Variants in MS4A10 observed in about 807,000 individuals in gnomAD.
The protein encoded by MS4A10 is membrane-spanning 4-domains subfamily A member 10.
In MS4A10, 27 loss-of-function variants were observed where a neutral mutation model predicts 27.7. The ratio of observed to expected loss-of-function variants is 0.98; its 90% CI spans 0.72 to 1.35. MS4A10 has a LOEUF of 1.35. Among genes scored for constraint, MS4A10 ranks in the 40% most tolerant of loss-of-function variants. The probability of loss-of-function intolerance (pLI) is 0.00; values close to 1 mark genes in which losing one functional copy is unlikely to be tolerated. For missense variants in MS4A10, 338 were observed against 324.7 expected, an observed-to-expected ratio of 1.04 and a Z score of -0.32; for synonymous variants, 139 against 131.2, an observed-to-expected ratio of 1.06 and a Z score of -0.41.
Position 60,798,539 on chromosome 11 carries a change from C to A in MS4A10, c.722+25C>A, listed in dbSNP as rs369059481. 1,484 of 1,586,286 alleles carry A rather than the reference C, an allele frequency of 9.4e-4. 23 individuals carry two copies. The South Asian group carries it at 0.015, about 17-fold the overall frequency. On this transcript the variant is annotated intron_variant, in intron 7 of 7. Transcript: ENST00000308287. Reference sequence around the variant, plus strand: ...GGTGAAGAGGTTTGGCCCTGGCTCCCCAGACCTTCAGAACCCACGCTTGGC... The same window carrying A: ...GGTGAAGAGGTTTGGCCCTGGCTCCACAGACCTTCAGAACCCACGCTTGGC...
chr11:60,791,700 A>G, intron 3 of MS4A10, among the ~76,000 whole-genome samples: 1 of 152,214 alleles, frequency 6.6e-6, no homozygotes, highest in South Asian at 2.1e-4. Flanking sequence ...CTTTCACATC[A>G]GTCCACTGTT....
chr11:60,798,663 TA>T (rs5792201), intron 7 of MS4A10, 149 bp downstream of exon 7: 238,549 of 633,084 alleles, frequency 0.38, 48,788 homozygotes, highest in East Asian at 0.72. Flanking sequence ...CTGGGAGTGG[TA>T]GCCAAGGCAG....
intron 7 of MS4A10, 49 bp downstream of exon 7, chr11:60,798,563 G>T (rs775724097): frequency 1.4e-6 from 2 of 1,418,794 alleles, no homozygotes; most frequent in South Asian, 2.3e-5. Context: ...CCCACGCTTG[G>T]CCCCTTCTCC....
chr11:60,799,858 C>T lies in MS4A10; in HGVS notation c.753C>T (p.Asp251=). 4 of 1,595,356 alleles carry T rather than the reference C, an allele frequency of 2.5e-6. No individual in the cohort carries two copies. The highest frequency in any genetic ancestry group is 3.4e-6 in the Non-Finnish European group (4 of 1,163,552). The change falls in exon 8 of 8, where the codon GAC becomes GAT. Residue 251 remains aspartate, a synonymous_variant. Coordinates refer to ENST00000308287, the MANE Select transcript of MS4A10 (RefSeq NM_206893.4). ...GAGAAGTTAAGCAAGTTGCCCCGGA[C>T]ACATGGATAGTCACTGACGGAGCTG... ...RLREVKQVAP[D]TWIVTDGAAI...
rs1040464025 is a variant in MS4A10, at chr11:60,800,104, G to A, written c.*195G>A. 5.4e-5 allele frequency: 39 copies of A among 721,888 alleles called. No individual in the cohort carries two copies. The highest frequency in any genetic ancestry group is 2.0e-5 in the South Asian group (1 of 50,454). The allele number at this position is 721,888 out of a possible 1,614,324, so 44.7% of individuals were successfully genotyped here. A position where few individuals can be genotyped will look rare whatever the true frequency, so the allele number is the denominator to read the frequency against. ...CCATTTCTTACATAGTTGATGGCTCGATATCTGTGGTGGCCCAGATTGTTT... is the reference window on the plus strand; with the variant it reads ...CCATTTCTTACATAGTTGATGGCTCAATATCTGTGGTGGCCCAGATTGTTT... On this transcript the variant is annotated 3_prime_UTR_variant, in exon 8 of 8. Coordinates refer to ENST00000308287, the MANE Select transcript of MS4A10 (RefSeq NM_206893.4).
At chr11:60,798,632 C>T (rs757627222) in intron 7 of MS4A10, 118 bp downstream of exon 7, 22 of 764,364 alleles carry the variant, frequency 2.9e-5, no homozygotes, top group Non-Finnish European at 4.2e-5. Flanking sequence ...GCTAACAGTG[C>T]TGCAGCTAGA....
At position 60,795,672 on chromosome 11, in the gene MS4A10, C is replaced by G. The variant is rs1854516818; in HGVS notation, c.603+7C>G. ...GGACTGCCCATCTGCAAAGGTAAGA[C>G]AAGGGCTTGTCTTCCCAGGAAGACA... On this transcript the variant is annotated splice_region_variant and intron_variant, in intron 6 of 7. Coordinates refer to ENST00000308287, the MANE Select transcript of MS4A10 (RefSeq NM_206893.4). The G allele has an allele frequency of 6.5e-7, 1 of 1,544,484 alleles. No homozygotes were observed. Among genetic ancestry groups the G allele is most frequent in the African/African-American group, 1.4e-5 (1 of 71,738 alleles).
rs1254579625 is a variant in MS4A10, at chr11:60,800,621, T to G, written c.*712T>G. ...CTTTCGCTGCCACTTCTGGCTGTGG[T>G]CACTAGCTTGGCCATAGCACCTCTC... On this transcript the variant is annotated 3_prime_UTR_variant, in exon 8 of 8. Transcript: ENST00000308287. The G allele has an allele frequency of 2.0e-5, 3 of 152,344 alleles. No individual in the cohort carries two copies. Among genetic ancestry groups the G allele is most frequent in the African/African-American group, 7.2e-5 (3 of 41,454 alleles). 9.4% of individuals were successfully genotyped at this position (152,344 alleles called of 1,614,324 possible). A position where few individuals can be genotyped will look rare whatever the true frequency, so the allele number is the denominator to read the frequency against.
In MS4A10 at chr11:60,795,562, T is replaced by A; in HGVS notation, c.500T>A (p.Ile167Asn). 3 of 1,552,682 alleles carry A rather than the reference T, an allele frequency of 1.9e-6. No homozygotes were observed. The highest frequency in any genetic ancestry group is 2.6e-6 in the Non-Finnish European group (3 of 1,149,250). Residue 167 changes from isoleucine (I) to asparagine (N), a missense_variant, in exon 6 of 8, where the codon ATC becomes AAC. By Grantham distance (149) the Ile-to-Asn change is moderately radical. Transcript: ENST00000308287. Reference sequence around the variant, plus strand: ...TTCCCTCTACCCTCTCAGGTCCACATCCAGAGGCTGGAGCTGGCCTTGCTC... The same window carrying A: ...TTCCCTCTACCCTCTCAGGTCCACAACCAGAGGCTGGAGCTGGCCTTGCTC... ...WRMYPNSTVH[I>N]QRLELALLCF... is the part of the protein sequence containing the mutation.
In MS4A10 at chr11:60,800,897, A is replaced by T. The variant is rs1025508901; in HGVS notation, c.*988A>T. On this transcript the variant is annotated 3_prime_UTR_variant, in exon 8 of 8. Transcript: ENST00000308287. ...CAACCTCTGCCTCCCGAGTTCAAGC[A>T]ATTCTCCTGCCTCAGCCTCCCGAGT... 1 of 145,708 alleles carries T rather than the reference A, an allele frequency of 6.9e-6. No individual in the cohort carries two copies. Among genetic ancestry groups the T allele is most frequent in the Admixed American group, 7.2e-5 (1 of 13,978 alleles). The allele number at this position is 145,708 out of a possible 1,614,324, so 9.0% of individuals were successfully genotyped here.
chr11:60,795,265 A>G (rs1854505679), intron 5 of MS4A10, among the ~76,000 whole-genome samples: 1 of 152,040 alleles, frequency 6.6e-6, no homozygotes, highest in Non-Finnish European at 1.5e-5. Flanking sequence ...CCCTAAGGCT[A>G]CCTTCATTCT....
At chr11:60,798,722 A>G (rs1050999551) in intron 7 of MS4A10, among the ~76,000 whole-genome samples, 9 of 152,186 alleles carry the variant, frequency 5.9e-5, no homozygotes, top group Non-Finnish European at 1.2e-4. Context: ...AGGGCCCCCC[A>G]GGAACATCTC....
intron 4 of MS4A10, among the ~76,000 whole-genome samples, chr11:60,793,307 G>A (rs2134752682): frequency 6.6e-6 from 1 of 152,282 alleles, no homozygotes; most frequent in East Asian, 1.9e-4. Context: ...TAGAACCACA[G>A]GCCTCTTGCT....
chr11:60,793,065 A>G (rs1285277011), intron 4 of MS4A10, among the ~76,000 whole-genome samples: 1 of 152,114 alleles, frequency 6.6e-6, no homozygotes, highest in Non-Finnish European at 1.5e-5. Context: ...ATCCCTGCAA[A>G]TCACAGCTCA....
intron 6 of MS4A10, among the ~76,000 whole-genome samples, chr11:60,796,010 TG>T (rs1010433351): frequency 1.8e-4 from 27 of 151,782 alleles, no homozygotes; most frequent in Non-Finnish European, 3.5e-4. Flanking sequence ...CAGGCATAGG[TG>T]GAAGAGAGAC....
intron 6 of MS4A10, among the ~76,000 whole-genome samples, chr11:60,797,755 C>T (rs747438701): frequency 1.3e-5 from 2 of 152,234 alleles, no homozygotes; most frequent in Non-Finnish European, 2.9e-5. Flanking sequence ...CTTCTCCCTA[C>T]TGCACTAGCT....
intron 4 of MS4A10, among the ~76,000 whole-genome samples, chr11:60,793,508 G>T (rs1168638763): frequency 6.6e-6 from 1 of 152,228 alleles, no homozygotes; most frequent in Admixed American, 6.5e-5. Context: ...GGTGGGCGGA[G>T]AAAATGGGCT....
chr11:60,800,227 T>C lies in MS4A10; in HGVS notation c.*318T>C, dbSNP rs1187300193. 1 of 309,408 alleles carries C rather than the reference T, an allele frequency of 3.2e-6. No homozygotes were observed. The highest frequency in any genetic ancestry group is 4.6e-5 in the Admixed American group (1 of 21,852). 19.2% of individuals were successfully genotyped at this position (309,408 alleles called of 1,614,324 possible). ...GTACAGTGGCACTATCTCAGCTCAC[T>C]GCAATCTCCGCCTCCCTGGTTCAAG... is the stretch of plus-strand genomic sequence containing the variant. On this transcript the variant is annotated 3_prime_UTR_variant, in exon 8 of 8. Coordinates refer to ENST00000308287, the MANE Select transcript of MS4A10 (RefSeq NM_206893.4).
chr11:60,798,825 T>C (rs1244028698), intron 7 of MS4A10, among the ~76,000 whole-genome samples: 2 of 152,210 alleles, frequency 1.3e-5, no homozygotes, highest in Admixed American at 1.3e-4. Context: ...AGCAAACCCC[T>C]GGGCCTGCAG....
Sources: gnomAD v4.1 joint callset for allele counts (sites outside exome capture counted in the v4.1 genomes callset) on GRCh38, gnomAD v4.1.1 for gene constraint, MANE v1.5 for transcripts, NCBI Gene and HGNC (gene_info 2026-07-23, HGNC 2026-07-21) for gene names.